The following SHOC1 variants were observed in gnomAD, a reference collection of about 807,000 sequenced individuals.
SHOC1 encodes protein shortage in chiasmata 1 ortholog.
In SHOC1, 136 loss-of-function variants were observed where a neutral mutation model predicts 179.2. That is an observed-to-expected ratio of 0.76 (90% confidence interval 0.66 to 0.87). The LOEUF is 0.87. SHOC1 is among the 40% of genes least tolerant of loss of function. The pLI, the probability that SHOC1 is intolerant of heterozygous loss-of-function variation, is 0.00. For missense variants in SHOC1, 1,538 were observed against 1,700.8 expected (o/e 0.90, Z 1.68); for synonymous variants, 489 against 586.6 (o/e 0.83, Z 2.41).
chr9:111,713,157 T>C lies in SHOC1; in HGVS notation c.2431A>G (p.Arg811Gly), dbSNP rs967346222. The change falls in exon 18 of 28, where the codon AGA becomes GGA. Residue 811 changes from arginine (R) to glycine (G), a missense_variant. Coordinates refer to ENST00000682961, the MANE Select transcript of SHOC1 (RefSeq NM_001378211.1). ...TGTTTTTCACCGTCTGAGTCCATTC[T>C]TATTATAATCAGTACCTAGTCAAAA... ...QQQIKVLIIIRMDSDGEKHFL... is the reference protein window; with the variant it reads ...QQQIKVLIIIGMDSDGEKHFL... The C allele has an allele frequency of 7.1e-6, 11 of 1,556,914 alleles. No individual in the cohort carries two copies. The highest frequency in any genetic ancestry group is 9.7e-6 in the Non-Finnish European group (11 of 1,132,978).
intron 11 of SHOC1, among the ~76,000 whole-genome samples, chr9:111,740,824 G>A (rs1484075825): frequency 1.3e-5 from 2 of 152,158 alleles, no homozygotes; most frequent in Non-Finnish European, 2.9e-5. Flanking sequence ...CGCCCGGGTC[G>A]GCCTCCCAAA....
Position 111,738,436 on chromosome 9 carries a change from TAATCAC to T in SHOC1, c.1255_1260del (p.Val419_Ile420del), listed in dbSNP as rs754945986. ...TTCCACCACTCTGCCTTTTCCAGATTAATCACAAGGCTTTCTTCTTTAACAGAAAAT... is the reference window on the plus strand; with the variant it reads ...TTCCACCACTCTGCCTTTTCCAGATTAAGGCTTTCTTCTTTAACAGAAAAT... On this transcript the variant is annotated inframe_deletion, in exon 12 of 28. Coordinates refer to ENST00000682961, the MANE Select transcript of SHOC1 (RefSeq NM_001378211.1). 33 of 1,611,620 alleles carry T rather than the reference TAATCAC, an allele frequency of 2.0e-5. No homozygotes were observed. The highest frequency in any genetic ancestry group is 2.7e-5 in the Non-Finnish European group (32 of 1,179,210).
chr9:111,791,724 T>C (rs1211094493), intron 1 of SHOC1, among the ~76,000 whole-genome samples: 3 of 152,152 alleles, frequency 2.0e-5, no homozygotes, highest in African/African-American at 7.2e-5. Context: ...GCAAAAGAGG[T>C]TGAAATTTAC....
chr9:111,758,517 A>G, intron 6 of SHOC1, among the ~76,000 whole-genome samples, 178 bp downstream of exon 6: 1 of 152,236 alleles, frequency 6.6e-6, no homozygotes, highest in East Asian at 1.9e-4. Flanking sequence ...TGTGCCCAGG[A>G]GGCGGAGGTT....
intron 5 of SHOC1, among the ~76,000 whole-genome samples, chr9:111,768,541 C>A (rs552117413): frequency 6.6e-6 from 1 of 152,278 alleles, no homozygotes; most frequent in East Asian, 1.9e-4. Flanking sequence ...TTGTGTTCTG[C>A]AACTTTACTG....
chr9:111,740,785 T>G (rs1000106755), intron 11 of SHOC1, among the ~76,000 whole-genome samples: 1 of 152,220 alleles, frequency 6.6e-6, no homozygotes, highest in African/African-American at 2.4e-5. Flanking sequence ...TTGGCCAGAC[T>G]GGTCTCGAAC....
intron 8 of SHOC1, among the ~76,000 whole-genome samples, chr9:111,754,542 A>C (rs1834765451): frequency 6.6e-6 from 1 of 152,222 alleles, no homozygotes; most frequent in African/African-American, 2.4e-5. Flanking sequence ...TTTGGAAAAC[A>C]GTCTGGCAAT....
At chr9:111,712,931 AG>A (rs1251817042) in intron 18 of SHOC1, among the ~76,000 whole-genome samples, 168 bp downstream of exon 18, 3 of 152,226 alleles carry the variant, frequency 2.0e-5, no homozygotes, top group East Asian at 1.9e-4. Flanking sequence ...GCAAACTTAT[AG>A]TCCAGATTGA....
chr9:111,756,654 C>T (rs1462345264), intron 7 of SHOC1, among the ~76,000 whole-genome samples, 176 bp from the exon 8 acceptor site: 2 of 152,102 alleles, frequency 1.3e-5, no homozygotes, highest in Non-Finnish European at 1.5e-5. Context: ...GCTAAAAATA[C>T]GTTCTATTAT....
At position 111,746,241 on chromosome 9, in the gene SHOC1, A is replaced by T. The variant is rs747992696; in HGVS notation, c.1072T>A (p.Cys358Ser). ...GATATAATCTTTACTTACATTTTAC[A>T]AACCGGAGATAATGGAAATGTCTGA... is the stretch of plus-strand genomic sequence containing the variant. ...ELQTFPLSPV[C>S]KINLLTAEES... Residue 358 changes from cysteine (C) to serine (S), a missense_variant, in exon 10 of 28, where the codon TGT (cysteine) becomes AGT (serine). Coordinates refer to ENST00000682961, the MANE Select transcript of SHOC1 (RefSeq NM_001378211.1). 2 of 1,587,374 alleles carry T rather than the reference A, an allele frequency of 1.3e-6. No homozygotes were observed.
chr9:111,727,856 T>G lies in SHOC1; in HGVS notation c.1611A>C (p.Val537=), dbSNP rs764494237. The G allele has an allele frequency of 6.2e-7, 1 of 1,612,850 alleles. No individual in the cohort carries two copies. The highest frequency in any genetic ancestry group is 1.1e-5 in the South Asian group (1 of 90,806). Residue 537 remains valine, a synonymous_variant, in exon 13 of 28, where the codon GTA becomes GTC. Transcript: ENST00000682961. Reference sequence around the variant, plus strand: ...TTTCTTTCTTTTGGATTATTCTGTTTACTGGTTCTTGGTCATTCTTTGGTT... The same window carrying G: ...TTTCTTTCTTTTGGATTATTCTGTTGACTGGTTCTTGGTCATTCTTTGGTT... The part of the protein sequence containing the change: ...EEKPKNDQEP[V]NRIIQKKENN...
chr9:111,732,018 A>G (rs747172561), intron 12 of SHOC1, among the ~76,000 whole-genome samples: 8 of 152,196 alleles, frequency 5.3e-5, no homozygotes, highest in Non-Finnish European at 1.0e-4. Context: ...AATTATATAC[A>G]AATGGCCAAT....
At chr9:111,699,577 G>C (rs1053684217) in intron 24 of SHOC1, among the ~76,000 whole-genome samples, 1 of 152,124 alleles carries the variant, frequency 6.6e-6, no homozygotes, top group Non-Finnish European at 1.5e-5. Context: ...CAAGGGAAGA[G>C]ACTGATTAGA....
chr9:111,768,083 T>C (rs781226036), intron 5 of SHOC1, among the ~76,000 whole-genome samples: 6 of 152,286 alleles, frequency 3.9e-5, no homozygotes, highest in Non-Finnish European at 7.4e-5. Flanking sequence ...GTTTTTCTTA[T>C]ATAGATCTTT....
At chr9:111,686,917 A>G in intron 27 of SHOC1, 47 bp from the exon 28 acceptor site, 5 of 1,157,512 alleles carry the variant, frequency 4.3e-6, no homozygotes, top group Non-Finnish European at 6.3e-6. Flanking sequence ...TTACAATAGT[A>G]AAGTATAGGT....
At chr9:111,770,405 G>GA (rs1835555199) in intron 5 of SHOC1, among the ~76,000 whole-genome samples, 1 of 151,978 alleles carries the variant, frequency 6.6e-6, no homozygotes, top group Non-Finnish European at 1.5e-5. Flanking sequence ...TTTCTATTTT[G>GA]AAAATTTTTT....
Position 111,718,241 on chromosome 9 carries a change from G to A in SHOC1, c.2179C>T (p.His727Tyr). The A allele has an allele frequency of 6.3e-7, 1 of 1,599,080 alleles. No homozygotes were observed. Among genetic ancestry groups the A allele is most frequent in the Non-Finnish European group, 8.5e-7 (1 of 1,174,710 alleles). ...ACATCTCTAATTGTTACCAGAAGAT[G>A]TAAGAGAGCGGCATGCTTGAAAGTC... ...EMTFKHAALLHLLVTIRDVLL... is the reference protein window; with the variant it reads ...EMTFKHAALLYLLVTIRDVLL... Residue 727 changes from histidine (H) to tyrosine (Y), a missense_variant, in exon 16 of 28, where the codon CAT (histidine) becomes TAT (tyrosine). Transcript: ENST00000682961.
intron 13 of SHOC1, 91 bp from the exon 14 acceptor site, chr9:111,724,002 A>C: frequency 1.0e-6 from 1 of 970,546 alleles, no homozygotes; most frequent in Non-Finnish European, 1.5e-6. Context: ...ATATGATCAC[A>C]GTTGTTAAAT....
chr9:111,710,997 T>C (rs942916086), intron 18 of SHOC1, among the ~76,000 whole-genome samples: 1 of 152,096 alleles, frequency 6.6e-6, no homozygotes, highest in Non-Finnish European at 1.5e-5. Flanking sequence ...TTTTTAAGAC[T>C]GAAGGGCTTA....
Sources: gnomAD v4.1 joint callset for allele counts (sites outside exome capture counted in the v4.1 genomes callset) on GRCh38, gnomAD v4.1.1 for gene constraint, MANE v1.5 for transcripts, NCBI Gene and HGNC (gene_info 2026-07-23, HGNC 2026-07-21) for gene names.